ELAPOR1: variants seen among roughly 807,000 people sequenced by gnomAD.
ELAPOR1 encodes the protein endosome/lysosome-associated apoptosis and autophagy regulator 1.
Under a neutral mutation model 119.7 loss-of-function variants are expected in ELAPOR1, and 77 were observed. That is an observed-to-expected ratio of 0.64 (90% CI 0.54 to 0.78). ELAPOR1 has a LOEUF of 0.78. ELAPOR1 is among the 30% of genes least tolerant of loss of function. The pLI, the probability that ELAPOR1 is intolerant of heterozygous loss-of-function variation, is 0.00. For synonymous variants in ELAPOR1, 481 were observed against 487.2 expected (o/e 0.99, Z 0.17); for missense variants, 1,115 against 1,270.4 (o/e 0.88, Z 1.86).
chr1:109,129,648 G>T (rs535437411), intron 1 of ELAPOR1, among the ~76,000 whole-genome samples: 1 of 152,294 alleles, frequency 6.6e-6, no homozygotes, highest in South Asian at 2.1e-4. Context: ...GGCCAGTTGG[G>T]AAGGAGCAGT....
chr1:109,118,777 A>G (rs1648191485), intron 1 of ELAPOR1, among the ~76,000 whole-genome samples: 1 of 152,146 alleles, frequency 6.6e-6, no homozygotes. Context: ...CCCTGTTCTT[A>G]GTTCTGATGT....
chr1:109,188,691 A>G (rs1653229833), intron 9 of ELAPOR1, among the ~76,000 whole-genome samples: 1 of 152,218 alleles, frequency 6.6e-6, no homozygotes. Flanking sequence ...AACCCCACAC[A>G]ACCAAAACCT....
intron 1 of ELAPOR1, among the ~76,000 whole-genome samples, chr1:109,145,437 C>T (rs1339337044): frequency 6.6e-6 from 1 of 152,116 alleles, no homozygotes; most frequent in Non-Finnish European, 1.5e-5. Context: ...GGGCCTATCA[C>T]CTGAGATCAG....
intron 1 of ELAPOR1, among the ~76,000 whole-genome samples, chr1:109,156,480 A>C (rs1650880702): frequency 2.0e-5 from 3 of 150,856 alleles, no homozygotes; most frequent in Non-Finnish European, 4.4e-5. Flanking sequence ...CTCATCAAAC[A>C]GTAAGTCCCC....
rs764261732 is a variant in ELAPOR1, at chr1:109,164,711, C to T, written c.467+20C>T. The T allele has an allele frequency of 1.9e-6, 3 of 1,595,938 alleles. No homozygotes were observed. The highest frequency in any genetic ancestry group is 2.6e-6 in the Non-Finnish European group (3 of 1,167,224). ...TACTTCGTGAGTCTGCACACACCCC[C>T]ACCCCACCCCCAGCCCACTGGGTAA... On this transcript the variant is annotated intron_variant, in intron 3 of 21. Transcript: ENST00000369939.
At chr1:109,135,030 G>A (rs748817857) in intron 1 of ELAPOR1, among the ~76,000 whole-genome samples, 2 of 152,118 alleles carry the variant, frequency 1.3e-5, no homozygotes, top group Admixed American at 6.5e-5. Flanking sequence ...TGGCAACTAC[G>A]CAGGTGACTC....
intron 3 of ELAPOR1, among the ~76,000 whole-genome samples, chr1:109,166,806 A>G (rs1651630851): frequency 1.3e-5 from 2 of 152,242 alleles, no homozygotes; most frequent in East Asian, 1.9e-4. Context: ...CTTATTAAAT[A>G]TGGACAGTGA....
At chr1:109,169,327 C>T (rs779127773) in intron 3 of ELAPOR1, among the ~76,000 whole-genome samples, 7 of 152,178 alleles carry the variant, frequency 4.6e-5, no homozygotes, top group Non-Finnish European at 1.0e-4. Flanking sequence ...GCAACCTCCG[C>T]CTCCCAAGTT....
rs910580363 is a variant in ELAPOR1 at position 109,179,295 on chromosome 1, G to A, written c.952+5458G>A. On this transcript the variant is annotated intron_variant, in intron 7 of 21. Transcript: ENST00000369939. ...CGGGCGCCTTTAGTCCCAGCTACTC[G>A]GGAGGCTGAGGCAGGAGAATTGCTT... 7.9e-5 allele frequency among the ~76,000 whole-genome samples: 12 copies of A among 151,790 alleles called. No homozygotes were observed. In the South Asian group the frequency reaches 1.0e-3, roughly 13 times the overall value.
At position 109,195,127 on chromosome 1, in the gene ELAPOR1, T is replaced by TAAATA. The variant is rs1557699988; in HGVS notation, c.2121+533_2121+534insAAATA. Among the ~76,000 whole-genome samples, 10 of 149,954 alleles carry TAAATA rather than the reference T, an allele frequency of 6.7e-5. No homozygotes were observed. In the East Asian group the frequency reaches 7.9e-4, roughly 12 times the overall value. ...TTCATCTCAGAAAAATAATAAAAAA[T>TAAATA]CAATAAAATAAAATAAAATAAGGTG... On this transcript the variant is annotated intron_variant, in intron 15 of 21. Coordinates refer to ENST00000369939, the MANE Select transcript of ELAPOR1 (RefSeq NM_020775.5).
chr1:109,114,346 C>T lies in ELAPOR1; in HGVS notation c.153+10C>T, dbSNP rs1356909443. ...TCATGCCTGCAAAGAGGTACTGCCG[C>T]CCCCCTACCCGATCCCGCTTTGGTC... On this transcript the variant is annotated intron_variant, in intron 1 of 21. Coordinates refer to ENST00000369939, the MANE Select transcript of ELAPOR1 (RefSeq NM_020775.5). 6.4e-7 allele frequency: 1 copy of T among 1,566,912 alleles called. No homozygotes were observed. The highest frequency in any genetic ancestry group is 8.6e-7 in the Non-Finnish European group (1 of 1,157,012).
In ELAPOR1 at chr1:109,203,865, G is replaced by A. The variant is rs1557707405; in HGVS notation, c.*853G>A. ...CACTCCATCCAGCCTGGGTGACAGA[G>A]TGAGACTCTGCCTCAAAAAAAAAAA... On this transcript the variant is annotated 3_prime_UTR_variant, in exon 22 of 22. Transcript: ENST00000369939. The A allele has an allele frequency of 7.9e-6, 1 of 126,248 alleles. No homozygotes were observed. The highest frequency in any genetic ancestry group is 1.6e-5 in the Non-Finnish European group (1 of 61,802). 7.8% of individuals were successfully genotyped at this position (126,248 alleles called of 1,614,324 possible).
intron 11 of ELAPOR1, among the ~76,000 whole-genome samples, chr1:109,190,462 C>T (rs1166975220): frequency 6.6e-6 from 1 of 152,190 alleles, no homozygotes; most frequent in African/African-American, 2.4e-5. Flanking sequence ...AACTCTTCTG[C>T]CCATATGTGC....
At chr1:109,153,416 T>G (rs565808) in intron 1 of ELAPOR1, among the ~76,000 whole-genome samples, 99,806 of 152,022 alleles carry the variant, frequency 0.66, 33,272 homozygotes, top group East Asian at 0.93. Context: ...AGGGGAATGG[T>G]GAAAGAAACT....
chr1:109,148,796 A>C (rs1158748990), intron 1 of ELAPOR1, among the ~76,000 whole-genome samples: 1 of 152,244 alleles, frequency 6.6e-6, no homozygotes, highest in East Asian at 1.9e-4. Context: ...TTTTGGTCTC[A>C]TTAAAAAGTG....
chr1:109,188,826 T>C (rs1348447788), intron 9 of ELAPOR1, among the ~76,000 whole-genome samples: 3 of 152,142 alleles, frequency 2.0e-5, no homozygotes, highest in African/African-American at 7.2e-5. Flanking sequence ...GAAATGGAAA[T>C]TGGGGTGGGC....
intron 13 of ELAPOR1, 134 bp downstream of exon 13, chr1:109,191,997 C>T: frequency 9.2e-7 from 1 of 1,086,728 alleles, no homozygotes; most frequent in Non-Finnish European, 1.3e-6. Flanking sequence ...AAGCAGAAAA[C>T]TGCCTAACCC....
At chr1:109,143,858 G>A (rs1320486608) in intron 1 of ELAPOR1, among the ~76,000 whole-genome samples, 6 of 150,850 alleles carry the variant, frequency 4.0e-5, no homozygotes, top group Non-Finnish European at 5.9e-5. Context: ...ACAGGGTTTC[G>A]CCATGTTGCC....
chr1:109,133,515 A>G (rs934484065), intron 1 of ELAPOR1, among the ~76,000 whole-genome samples: 1 of 152,176 alleles, frequency 6.6e-6, no homozygotes, highest in African/African-American at 2.4e-5. Flanking sequence ...TTGCAGAGAG[A>G]TTCACCAATT....
Sources: allele counts gnomAD v4.1 joint callset (sites outside exome capture counted in the v4.1 genomes callset), GRCh38; gene constraint gnomAD v4.1.1; transcripts MANE v1.5; gene names NCBI Gene and HGNC (gene_info 2026-07-23, HGNC 2026-07-21).